Variants in PDZD9 observed in about 807,000 individuals in gnomAD.
PDZD9 encodes the protein PDZ domain containing 9.
In PDZD9, 13 loss-of-function variants were observed where a neutral mutation model predicts 16.3. That is an observed-to-expected ratio of 0.80 (90% CI 0.52 to 1.27). The LOEUF is 1.27. Ranked by LOEUF, PDZD9 falls within the 50% of genes most tolerant of loss-of-function variation. The pLI is 0.00. For synonymous variants in PDZD9, 120 were observed against 111.0 expected (o/e 1.08, Z -0.51); for missense variants, 288 against 310.9 (o/e 0.93, Z 0.55).
chr16:21,974,022 T>TC, the PDZD9 span: 280 of 1,435,296 alleles, frequency 2.0e-4, no homozygotes, highest in Admixed American at 6.9e-4. Flanking sequence ...AAGTTATTTC[T>TC]CCCCCCCGCC....
At chr16:21,983,164 A>C, downstream of PDZD9, 1 of 1,613,996 alleles carries the variant, frequency 6.2e-7, no homozygotes, top group Non-Finnish European at 8.5e-7. Flanking sequence ...TTTGTTGATG[A>C]GTTGTAATAC....
At chr16:21,975,574 A>G in the PDZD9 span, among the ~76,000 whole-genome samples, 1 of 152,202 alleles carries the variant, frequency 6.6e-6, no homozygotes, top group Non-Finnish European at 1.5e-5. Flanking sequence ...AAGTACCCAC[A>G]TCCCCGGAAC....
the PDZD9 span, among the ~76,000 whole-genome samples, chr16:21,967,351 G>T: frequency 6.6e-6 from 1 of 151,960 alleles, no homozygotes; most frequent in Non-Finnish European, 1.5e-5. Context: ...AGCCTTTCTA[G>T]CCATTTTTTT....
At chr16:21,975,085 C>T in the PDZD9 span, among the ~76,000 whole-genome samples, 1 of 152,124 alleles carries the variant, frequency 6.6e-6, no homozygotes, top group Non-Finnish European at 1.5e-5. Flanking sequence ...CAGTTGCATT[C>T]AGAAGCCTAA....
the PDZD9 span, among the ~76,000 whole-genome samples, chr16:21,969,950 C>T: frequency 1.3e-5 from 2 of 152,008 alleles, no homozygotes; most frequent in Non-Finnish European, 2.9e-5. Context: ...TAGCTCACTG[C>T]CTTGAACTCC....
At chr16:21,976,453 A>T in the PDZD9 span, 1 of 427,472 alleles carries the variant, frequency 2.3e-6, no homozygotes, top group Non-Finnish European at 4.2e-6. Context: ...GCACTTTGGG[A>T]GGCCAAGGCA....
chr16:22,001,101 C>A lies in PDZD9; in HGVS notation c.-54G>T. ...GGCCTCCCGGAGCAGAGGCTGGAGT[C>A]AGTCCCAATGCCAACAGTTTCGAAC... On this transcript the variant is annotated 5_prime_UTR_variant, in exon 1 of 4. Coordinates refer to ENST00000424898, the MANE Select transcript of PDZD9 (RefSeq NM_001363519.1). 1 of 1,463,586 alleles carries A rather than the reference C, an allele frequency of 6.8e-7. No individual in the cohort carries two copies. Among genetic ancestry groups the A allele is most frequent in the Non-Finnish European group, 9.1e-7 (1 of 1,103,090 alleles). 90.7% of individuals were successfully genotyped at this position (1,463,586 alleles called of 1,614,324 possible).
rs1356755017 is a variant in PDZD9, at chr16:21,995,378, A to G, written c.211+944T>C. 3 of 405,490 alleles carry G rather than the reference A, an allele frequency of 7.4e-6. No homozygotes were observed. The East Asian group carries it at 2.2e-4, about 30-fold the overall frequency. The allele number at this position is 405,490 out of a possible 1,614,324, so 25.1% of individuals were successfully genotyped here. A position where few individuals can be genotyped will look rare whatever the true frequency, so the allele number is the denominator to read the frequency against. The stretch of plus-strand genomic sequence containing the variant: ...CCAGTTTCAGGTATTTCTTTATAGC[A>G]GTGCAAGAACGGACTAATATAGACA... On this transcript the variant is annotated intron_variant, in intron 2 of 3. Coordinates refer to ENST00000424898, the MANE Select transcript of PDZD9 (RefSeq NM_001363519.1).
chr16:21,963,626 G>C, the PDZD9 span, among the ~76,000 whole-genome samples: 5 of 151,878 alleles, frequency 3.3e-5, no homozygotes, highest in African/African-American at 1.2e-4. Flanking sequence ...ACCGCACCCT[G>C]CTAATTTTTA....
chr16:21,968,448 A>G, the PDZD9 span: 1 of 460,192 alleles, frequency 2.2e-6, no homozygotes, highest in African/African-American at 2.0e-5. Context: ...TAGTTCTTTT[A>G]AGCAATAGTT....
At chr16:22,000,223 C>T (rs1178078978) in intron 1 of PDZD9, among the ~76,000 whole-genome samples, 2 of 151,790 alleles carry the variant, frequency 1.3e-5, no homozygotes, top group Non-Finnish European at 2.9e-5. Context: ...AATACAGTGA[C>T]CCATATGCTA....
the PDZD9 span, chr16:21,971,915 G>A: frequency 6.2e-7 from 1 of 1,613,530 alleles, no homozygotes; most frequent in Non-Finnish European, 8.5e-7. Flanking sequence ...TCCTTAATCT[G>A]GCCCCAGGTG....
chr16:21,969,355 G>A, the PDZD9 span, among the ~76,000 whole-genome samples: 198 of 152,206 alleles, frequency 1.3e-3, 1 homozygote, highest in Non-Finnish European at 2.1e-3. Flanking sequence ...CCAACATGGC[G>A]AAACCCCGTC....
intron 1 of PDZD9, among the ~76,000 whole-genome samples, chr16:21,997,624 A>C (rs1030508198): frequency 6.6e-6 from 1 of 152,230 alleles, no homozygotes; most frequent in Non-Finnish European, 1.5e-5. Flanking sequence ...ACATGGGGGA[A>C]AATCCGAAGG....
At chr16:21,968,595 A>C in the PDZD9 span, 18 of 1,566,342 alleles carry the variant, frequency 1.1e-5, no homozygotes, top group East Asian at 3.9e-4. Flanking sequence ...ATTTATGCTA[A>C]TATAACCTAA....
At chr16:21,976,547 G>T in the PDZD9 span, 1 of 250,188 alleles carries the variant, frequency 4.0e-6, no homozygotes, top group Non-Finnish European at 7.8e-6. Context: ...GAGAATAATT[G>T]TTAACATTTT....
rs1343135021 is a variant in PDZD9, at chr16:21,996,438, T to G, written c.95A>C (p.Lys32Thr). The G allele has an allele frequency of 6.5e-7, 1 of 1,536,080 alleles. No homozygotes were observed. The highest frequency in any genetic ancestry group is 8.7e-7 in the Non-Finnish European group (1 of 1,146,866). The change falls in exon 2 of 4, where the codon AAA (lysine) becomes ACA (threonine). Residue 32 changes from lysine to threonine, a missense_variant. Coordinates refer to ENST00000424898, the MANE Select transcript of PDZD9 (RefSeq NM_001363519.1). ...TAATCCCAGGCTACCCACAGTGAGT[T>G]TGGTCTGCTGTGTTTTGCTCAAGTT... ...VHNLSKTQQT[K>T]LTVGSLGLGL...
intron 2 of PDZD9, among the ~76,000 whole-genome samples, chr16:21,994,104 G>A (rs938312452): frequency 1.3e-5 from 2 of 152,168 alleles, no homozygotes; most frequent in Non-Finnish European, 2.9e-5. Context: ...GCTGAAGCAG[G>A]AGGATCACTT....
chr16:21,999,393 G>T, intron 1 of PDZD9: 1 of 179,200 alleles, frequency 5.6e-6, no homozygotes. Flanking sequence ...GGTGGAGGAG[G>T]CAGCACTATG....
Sources: gnomAD v4.1 joint callset for allele counts (sites outside exome capture counted in the v4.1 genomes callset) on GRCh38, gnomAD v4.1.1 for gene constraint, MANE v1.5 for transcripts, NCBI Gene and HGNC (gene_info 2026-07-23, HGNC 2026-07-21) for gene names.